HOOK1: variants seen among roughly 807,000 people sequenced by gnomAD.
The protein encoded by HOOK1 is protein Hook homolog 1.
Under a neutral mutation model 112.8 loss-of-function variants are expected in HOOK1, and 60 were observed. The ratio of observed to expected loss-of-function variants is 0.53; its 90% CI spans 0.43 to 0.66. HOOK1 has a LOEUF of 0.66. HOOK1 is among the 30% of genes least tolerant of loss of function. HOOK1 has a pLI of 0.00. For synonymous variants in HOOK1, 294 were observed against 283.8 expected (o/e 1.04, Z -0.36); for missense variants, 770 against 856.0 (o/e 0.90, Z 1.25).
intron 6 of HOOK1, 55 bp from the exon 7 acceptor site, chr1:59,836,818 T>A: frequency 9.8e-7 from 1 of 1,017,034 alleles, no homozygotes. Context: ...GAAAATATAT[T>A]TTACTTCATA....
intron 3 of HOOK1, among the ~76,000 whole-genome samples, chr1:59,830,932 G>A (rs546701333): frequency 5.4e-4 from 75 of 139,888 alleles, no homozygotes; most frequent in African/African-American, 1.7e-3. Flanking sequence ...ACAGAATTTC[G>A]CTCTTACGCC....
At chr1:59,853,800 C>T (rs913526670) in intron 12 of HOOK1, among the ~76,000 whole-genome samples, 1 of 151,246 alleles carries the variant, frequency 6.6e-6, no homozygotes, top group African/African-American at 2.4e-5. Context: ...TTGAAACAAT[C>T]CATTTAGAGT....
Position 59,865,956 on chromosome 1 carries a change from T to C in HOOK1, c.1829T>C (p.Leu610Ser). Residue 610 changes from leucine to serine, a missense_variant, in exon 19 of 22, where the codon TTG becomes TCG. By Grantham distance (145) the Leu-to-Ser change is moderately radical (BLOSUM62 -2). Around this residue, in one of 3 missense-constraint regions of HOOK1, gnomAD observed 655 missense variants for 725.9 expected, o/e 0.90. Transcript: ENST00000371208. ...ATGGAGGAAAGATATAAAATGTACT[T>C]GGAGAAAGCCAGAAATGTGAGTGAC... ...KAMEERYKMYLEKARNVIKTL... is the reference protein window; with the variant it reads ...KAMEERYKMYSEKARNVIKTL... 1 of 1,583,062 alleles carries C rather than the reference T, an allele frequency of 6.3e-7. No homozygotes were observed. Among genetic ancestry groups the C allele is most frequent in the Non-Finnish European group, 8.6e-7 (1 of 1,158,192 alleles).
chr1:59,847,229 A>G lies in HOOK1; in HGVS notation c.929+44A>G, dbSNP rs145099339. On this transcript the variant is annotated intron_variant, in intron 10 of 21. Coordinates refer to ENST00000371208, the MANE Select transcript of HOOK1 (RefSeq NM_015888.6). The stretch of plus-strand genomic sequence containing the variant: ...AATATAATTATGCCATTTCTGAGCT[A>G]TTTAGTCAATTTGAGTATTTCATAT... 1.5e-3 allele frequency: 2,176 copies of G among 1,480,638 alleles called. 5 individuals carry two copies. Among genetic ancestry groups the G allele is most frequent in the Non-Finnish European group, 1.8e-3 (1,976 of 1,081,498 alleles). The allele number at this position is 1,480,638 out of a possible 1,614,324, so 91.7% of individuals were successfully genotyped here. A position where few individuals can be genotyped will look rare whatever the true frequency, so the allele number is the denominator to read the frequency against.
At chr1:59,841,079 G>A (rs544924827) in intron 8 of HOOK1, among the ~76,000 whole-genome samples, 3 of 152,222 alleles carry the variant, frequency 2.0e-5, no homozygotes, top group East Asian at 1.9e-4. Flanking sequence ...CAGAGTGGTC[G>A]TGAGGGTTAA....
intron 14 of HOOK1, 83 bp downstream of exon 14, chr1:59,859,128 CTTATT>C: frequency 2.0e-6 from 1 of 498,662 alleles, no homozygotes; most frequent in Non-Finnish European, 3.2e-6. Context: ...CCTTTAAAAA[CTTATT>C]TTATGACTCA....
At chr1:59,856,813 T>C (rs916044248) in intron 12 of HOOK1, among the ~76,000 whole-genome samples, 24 of 152,144 alleles carry the variant, frequency 1.6e-4, no homozygotes, top group African/African-American at 5.8e-4. Context: ...TTAGGCAGTT[T>C]GAAATTCTGC....
At chr1:59,835,589 A>G (rs1196979537) in intron 6 of HOOK1, among the ~76,000 whole-genome samples, 177 bp downstream of exon 6, 2 of 152,100 alleles carry the variant, frequency 1.3e-5, no homozygotes, top group Non-Finnish European at 2.9e-5. Context: ...TTTAAGCCCA[A>G]TTTTAGTACC....
At chr1:59,826,671 TAGTC>T (rs1189731558) in intron 2 of HOOK1, among the ~76,000 whole-genome samples, 1 of 152,168 alleles carries the variant, frequency 6.6e-6, no homozygotes, top group African/African-American at 2.4e-5. Context: ...ACTGGGGTGG[TAGTC>T]AGGGTTGTCC....
intron 3 of HOOK1, among the ~76,000 whole-genome samples, chr1:59,831,178 T>A (rs1451399093): frequency 6.6e-6 from 1 of 152,068 alleles, no homozygotes; most frequent in Non-Finnish European, 1.5e-5. Context: ...TATATTCTTT[T>A]GAGGAGTGTT....
intron 16 of HOOK1, among the ~76,000 whole-genome samples, chr1:59,863,361 C>T (rs1478249454): frequency 2.0e-5 from 3 of 152,150 alleles, no homozygotes; most frequent in Non-Finnish European, 2.9e-5. Context: ...TTATACCCGT[C>T]TCTGAAGGAC....
intron 12 of HOOK1, among the ~76,000 whole-genome samples, chr1:59,850,950 A>G (rs1353289547): frequency 6.6e-6 from 1 of 151,574 alleles, no homozygotes; most frequent in Non-Finnish European, 1.5e-5. Context: ...TTAATAATTA[A>G]AAAGGTTTAA....
At chr1:59,847,401 T>G (rs942902959) in intron 10 of HOOK1, among the ~76,000 whole-genome samples, 1 of 151,646 alleles carries the variant, frequency 6.6e-6, no homozygotes, top group African/African-American at 2.4e-5. Flanking sequence ...CATTTTCACA[T>G]TAGAACCCAT....
intron 2 of HOOK1, among the ~76,000 whole-genome samples, chr1:59,824,366 C>G (rs987928163): frequency 2.0e-5 from 3 of 152,112 alleles, no homozygotes; most frequent in Non-Finnish European, 4.4e-5. Context: ...TGCCACCATG[C>G]CTGGCTAATT....
rs373613683 is a variant in HOOK1 at position 59,847,070 on chromosome 1, C to T, written c.814C>T (p.Arg272Cys). The change falls in exon 10 of 22, where the codon CGT (arginine) becomes TGT (cysteine). Residue 272 changes from arginine to cysteine, a missense_variant. By Grantham distance (180) the Arg-to-Cys change is radical (BLOSUM62 -3). Coordinates refer to ENST00000371208, the MANE Select transcript of HOOK1 (RefSeq NM_015888.6). ...FRLEAAKDDY[R>C]VHCEELEKQL... The stretch of plus-strand genomic sequence containing the variant: ...GCTTGAAGCTGCAAAAGATGATTAC[C>T]GTGTTCACTGTGAAGAACTTGAAAA... The T allele has an allele frequency of 1.2e-5, 20 of 1,604,988 alleles. No individual in the cohort carries two copies. The highest frequency in any genetic ancestry group is 1.2e-4 in the Admixed American group (7 of 58,434).
chr1:59,822,259 A>C (rs932732213), intron 2 of HOOK1, among the ~76,000 whole-genome samples: 3 of 152,206 alleles, frequency 2.0e-5, no homozygotes, highest in Non-Finnish European at 2.9e-5. Flanking sequence ...TTAATGATAC[A>C]ATTGCTTATG....
rs2098387703 is a variant in HOOK1, at chr1:59,823,772, G to T, written c.149+1829G>T. On this transcript the variant is annotated intron_variant, in intron 2 of 21. Transcript: ENST00000371208. ...ATTTTTCCACAGTCTGTTGGATTAT[G>T]CTGTTAATGCTGATCTTCCCTCTCT... is the stretch of plus-strand genomic sequence containing the variant. Among the ~76,000 whole-genome samples the T allele has an allele frequency of 2.6e-5, 4 of 152,314 alleles. No homozygotes were observed. In the South Asian group the frequency reaches 8.3e-4, roughly 32 times the overall value.
Position 59,874,463 on chromosome 1 carries a change from A to G in HOOK1, c.*1498A>G, listed in dbSNP as rs1010170581. On this transcript the variant is annotated 3_prime_UTR_variant, in exon 22 of 22. Coordinates refer to ENST00000371208, the MANE Select transcript of HOOK1 (RefSeq NM_015888.6). ...TAGTTAATCATTTCAGTGCTGTTCA[A>G]CATACATACCTATCAGCAGTGTGTT... The G allele has an allele frequency of 1.3e-5, 2 of 152,220 alleles. No homozygotes were observed. The highest frequency in any genetic ancestry group is 4.8e-5 in the African/African-American group (2 of 41,458). 9.4% of individuals were successfully genotyped at this position (152,220 alleles called of 1,614,324 possible). A position where few individuals can be genotyped will look rare whatever the true frequency, so the allele number is the denominator to read the frequency against.
intron 10 of HOOK1, among the ~76,000 whole-genome samples, chr1:59,847,697 A>AT (rs968768742): frequency 6.6e-5 from 10 of 151,284 alleles, no homozygotes; most frequent in African/African-American, 1.5e-4. Context: ...CGTGATCTTT[A>AT]TTTTTTTTGT....
Sources: gnomAD v4.1 joint callset for allele counts (sites outside exome capture counted in the v4.1 genomes callset) on GRCh38, gnomAD v4.1.1 for gene constraint, gnomAD v4.1.1 regional missense constraint, MANE v1.5 for transcripts, NCBI Gene and HGNC (gene_info 2026-07-23, HGNC 2026-07-21) for gene names.